WSB2: variants seen among roughly 807,000 people sequenced by gnomAD.
WSB2 encodes the protein WD repeat and SOCS box containing 2.
A neutral mutation model predicts 48.8 loss-of-function variants in WSB2; 12 were observed. The ratio of observed to expected loss-of-function variants is 0.25; its 90% CI spans 0.16 to 0.40. The LOEUF (loss-of-function observed/expected upper bound fraction) is 0.40, where lower values mean the gene tolerates loss of function less well. Ranked by LOEUF, WSB2 falls within the 10% of genes least tolerant of loss-of-function variation. The pLI, the probability that WSB2 is intolerant of heterozygous loss-of-function variation, is 1.00. For missense variants in WSB2, 317 were observed against 506.2 expected (o/e 0.63, Z 3.59); for synonymous variants, 191 against 203.1 (o/e 0.94, Z 0.51).
Position 118,042,833 on chromosome 12 carries a change from T to C in WSB2, c.559+8A>G. On this transcript the variant is annotated splice_region_variant and intron_variant, in intron 4 of 8. Coordinates refer to ENST00000315436, the MANE Select transcript of WSB2 (RefSeq NM_018639.5). The stretch of plus-strand genomic sequence containing the variant: ...GGAGTTGCCGAGTAGTTCCTTCACT[T>C]CCCATACCGTGTTTATTCAGGTCCC... 6.2e-7 allele frequency: 1 copy of C among 1,613,416 alleles called. No individual in the cohort carries two copies. The highest frequency in any genetic ancestry group is 2.2e-5 in the East Asian group (1 of 44,872).
rs1361233269 is a variant in WSB2, at chr12:118,060,569, G to A, written c.13+467C>T. On this transcript the variant is annotated intron_variant, in intron 1 of 8. Transcript: ENST00000315436. The surrounding 1 kb of genome is among the most constrained non-coding windows in gnomAD (Gnocchi z 4.1). The stretch of plus-strand genomic sequence containing the variant: ...TTTTGCAGATCAAAACTGAGACGTG[G>A]GTGGCGGTGGTTCAGTGGCTTGTCC... 6.6e-6 allele frequency among the ~76,000 whole-genome samples: 1 copy of A among 152,164 alleles called. No individual in the cohort carries two copies. The highest frequency in any genetic ancestry group is 1.5e-5 in the Non-Finnish European group (1 of 68,032).
chr12:118,059,188 T>C (rs2032017245), intron 1 of WSB2, among the ~76,000 whole-genome samples: 1 of 150,884 alleles, frequency 6.6e-6, no homozygotes, highest in African/African-American at 2.5e-5. Context: ...ACACAACACG[T>C]TTTGAACACT....
In WSB2 at chr12:118,061,040, G is replaced by C. The variant is rs2032054494; in HGVS notation, c.9C>G (p.Ala3=). The change falls in exon 1 of 9, where the codon GCC becomes GCG. Residue 3 remains alanine, a synonymous_variant. Coordinates refer to ENST00000315436, the MANE Select transcript of WSB2 (RefSeq NM_018639.5). Reference sequence around the variant, plus strand: ...GGCGCGCCCGGCCCCACTCACCTCCGGCCTCCATGGAGGACGCGAGCGGCC... The same window carrying C: ...GGCGCGCCCGGCCCCACTCACCTCCCGCCTCCATGGAGGACGCGAGCGGCC... ME[A]GEEPLLLAEL... The C allele has an allele frequency of 1.0e-6, 1 of 983,432 alleles. No homozygotes were observed. Among genetic ancestry groups the C allele is most frequent in the Admixed American group, 6.3e-5 (1 of 15,776 alleles). 60.9% of individuals were successfully genotyped at this position (983,432 alleles called of 1,614,324 possible).
At chr12:118,061,220 G>A, upstream of WSB2, 1 of 983,382 alleles carries the variant, frequency 1.0e-6, no homozygotes, top group Non-Finnish European at 1.2e-6. Context: ...ACGCGCGGGG[G>A]CGGGGCGCAG....
At chr12:118,044,194 G>A (rs2031700463) in intron 2 of WSB2, among the ~76,000 whole-genome samples, 1 of 152,148 alleles carries the variant, frequency 6.6e-6, no homozygotes, top group African/African-American at 2.4e-5. Flanking sequence ...CCCTGCAATG[G>A]GGTGACCTGC....
chr12:118,035,121 A>G (rs1274505880), intron 7 of WSB2, 28 bp from the exon 8 acceptor site: 2 of 1,613,452 alleles, frequency 1.2e-6, no homozygotes, highest in East Asian at 2.2e-5. Flanking sequence ...ACATCTGGAT[A>G]TTAGCTGACC....
intron 1 of WSB2, among the ~76,000 whole-genome samples, chr12:118,059,459 C>T (rs2032022660): frequency 6.6e-6 from 1 of 152,116 alleles, no homozygotes. Context: ...GAAGTCTAAC[C>T]ATTGCTCTGA....
At position 118,048,017 on chromosome 12, in the gene WSB2, C is replaced by T. The variant is rs1324041433; in HGVS notation, c.182+4293G>A. ...TCAGAGCTCACTGCAGCCTCTAATT[C>T]CTGGGTGCAGGTGATCCTCCCATCT... On this transcript the variant is annotated intron_variant, in intron 2 of 8. Coordinates refer to ENST00000315436, the MANE Select transcript of WSB2 (RefSeq NM_018639.5). 3.3e-5 allele frequency among the ~76,000 whole-genome samples: 5 copies of T among 152,044 alleles called. No individual in the cohort carries two copies. In the South Asian group the frequency reaches 8.3e-4, roughly 25 times the overall value.
intron 1 of WSB2, 36 bp from the exon 2 acceptor site, chr12:118,052,514 C>A: frequency 1.9e-6 from 3 of 1,610,888 alleles, no homozygotes; most frequent in Non-Finnish European, 2.5e-6. Flanking sequence ...AACACACACC[C>A]CCTTGCTCCC....
Position 118,058,465 on chromosome 12 carries a change from C to T in WSB2, c.13+2571G>A, listed in dbSNP as rs191764273. 1.7e-3 allele frequency among the ~76,000 whole-genome samples: 254 copies of T among 152,046 alleles called. 1 individual carries two copies. The highest frequency in any genetic ancestry group is 5.8e-3 in the African/African-American group (240 of 41,492). On this transcript the variant is annotated intron_variant, in intron 1 of 8. Transcript: ENST00000315436. ...CCAGGCTCAGATGATCCTCCCATCT[C>T]AGCCTCCCCAGTAGCTGGGACTACA...
intron 5 of WSB2, 98 bp from the exon 6 acceptor site, chr12:118,036,608 G>A: frequency 1.5e-6 from 2 of 1,292,146 alleles, no homozygotes; most frequent in Non-Finnish European, 2.1e-6. Context: ...TGCAGGCCCT[G>A]CAGCCAGGGC....
At chr12:118,038,426 A>C (rs2031560495) in intron 4 of WSB2, 38 bp from the exon 5 acceptor site, 1 of 1,595,142 alleles carries the variant, frequency 6.3e-7, no homozygotes, top group African/African-American at 1.3e-5. Flanking sequence ...GCCAGTCCTC[A>C]ACAAAGCAGG....
chr12:118,055,901 C>A (rs1032129956), intron 1 of WSB2, among the ~76,000 whole-genome samples: 3 of 147,604 alleles, frequency 2.0e-5, no homozygotes, highest in African/African-American at 7.7e-5. Context: ...AGGTGTAAAC[C>A]ACCACGTCTG....
intron 1 of WSB2, among the ~76,000 whole-genome samples, chr12:118,057,777 T>G (rs200962451): frequency 3.4e-5 from 2 of 58,992 alleles, no homozygotes; most frequent in East Asian, 7.0e-4. Context: ...TATATTTGGG[T>G]TTTTTTTTTT....
chr12:118,041,632 A>T (rs1278199547), intron 4 of WSB2, among the ~76,000 whole-genome samples: 1 of 151,448 alleles, frequency 6.6e-6, no homozygotes, highest in African/African-American at 2.4e-5. Context: ...CCAGCCCCTG[A>T]TCCTCTTCAT....
At chr12:118,039,650 AAAT>A in intron 4 of WSB2, among the ~76,000 whole-genome samples, 1 of 152,282 alleles carries the variant, frequency 6.6e-6, no homozygotes, top group South Asian at 2.1e-4. Context: ...AAAGAAGAAA[AAAT>A]AATTGTTATA....
At position 118,037,621 on chromosome 12, in the gene WSB2, T is replaced by C. The variant is rs543846999; in HGVS notation, c.660+667A>G. 2.1e-4 allele frequency among the ~76,000 whole-genome samples: 32 copies of C among 151,278 alleles called. 1 individual carries two copies. The South Asian group carries it at 3.3e-3, about 16-fold the overall frequency. On this transcript the variant is annotated intron_variant, in intron 5 of 8. Coordinates refer to ENST00000315436, the MANE Select transcript of WSB2 (RefSeq NM_018639.5). ...AAGCGGAGGTTGCAGTAAGCCGAGATTGCGTCATTGCACTCCAGCTTGGGC... is the reference window on the plus strand; with the variant it reads ...AAGCGGAGGTTGCAGTAAGCCGAGACTGCGTCATTGCACTCCAGCTTGGGC...
intron 5 of WSB2, 54 bp from the exon 6 acceptor site, chr12:118,036,564 A>C: frequency 3.3e-6 from 5 of 1,527,678 alleles, no homozygotes; most frequent in Non-Finnish European, 3.5e-6. Context: ...CTTAGGACTC[A>C]AACGGAGGGA....
In WSB2 at chr12:118,034,068, A is replaced by T; in HGVS notation, c.*128T>A. The T allele has an allele frequency of 7.7e-7, 1 of 1,297,160 alleles. No individual in the cohort carries two copies. Among genetic ancestry groups the T allele is most frequent in the Non-Finnish European group, 1.1e-6 (1 of 920,650 alleles). The allele number at this position is 1,297,160 out of a possible 1,614,324, so 80.4% of individuals were successfully genotyped here. A position where few individuals can be genotyped will look rare whatever the true frequency, so the allele number is the denominator to read the frequency against. On this transcript the variant is annotated 3_prime_UTR_variant, in exon 9 of 9. Transcript: ENST00000315436. ...TAGTACACTGGAATCTGGTTTTGCT[A>T]CATTCTATTCACAATCCCAAAGAAA...
Sources: gnomAD v4.1 joint callset for allele counts (sites outside exome capture counted in the v4.1 genomes callset) on GRCh38, gnomAD v4.1.1 for gene constraint, Gnocchi (gnomAD v3.1) non-coding constraint, MANE v1.5 for transcripts, NCBI Gene and HGNC (gene_info 2026-07-23, HGNC 2026-07-21) for gene names.